PDSS1: variants seen among roughly 807,000 people sequenced by gnomAD.
PDSS1 encodes the protein decaprenyl diphosphate synthase subunit 1.
In PDSS1, 43 loss-of-function variants were observed where a neutral mutation model predicts 57.5. That is an observed-to-expected ratio of 0.75 (90% CI 0.59 to 0.96). The LOEUF (loss-of-function observed/expected upper bound fraction) is 0.96, where lower values mean the gene tolerates loss of function less well. Among genes scored for constraint, PDSS1 ranks in the 50% least tolerant of loss-of-function variants. PDSS1 has a pLI of 0.00. For synonymous variants in PDSS1, 175 were observed against 191.3 expected (o/e 0.91, Z 0.70); for missense variants, 438 against 527.8 (o/e 0.83, Z 1.67).
chr10:26,704,779 C>A (rs368787551), intron 3 of PDSS1, 38 bp downstream of exon 3: 11 of 1,071,854 alleles, frequency 1.0e-5, no homozygotes, highest in Non-Finnish European at 1.6e-5. Flanking sequence ...CTAAAATTAT[C>A]CATTTTTAAA....
intron 2 of PDSS1, among the ~76,000 whole-genome samples, chr10:26,703,291 C>G (rs1351149117): frequency 6.6e-6 from 1 of 152,064 alleles, no homozygotes; most frequent in Non-Finnish European, 1.5e-5. Flanking sequence ...GATTAGGGGT[C>G]TATAACTGAA....
At chr10:26,728,665 A>AT (rs548989225) in intron 8 of PDSS1, among the ~76,000 whole-genome samples, 386 of 148,370 alleles carry the variant, frequency 2.6e-3, no homozygotes, top group African/African-American at 9.1e-3. Context: ...TTGGTATCCT[A>AT]TTTTTTTTGT....
intron 4 of PDSS1, among the ~76,000 whole-genome samples, chr10:26,708,388 C>T (rs1835312635): frequency 6.6e-6 from 1 of 152,204 alleles, no homozygotes; most frequent in Admixed American, 6.5e-5. Context: ...GTTTAGGCTT[C>T]TAATCCCACA....
rs1466228856 is a variant in PDSS1, at chr10:26,702,166, A to G, written c.134A>G (p.His45Arg). 3 of 456,130 alleles carry G rather than the reference A, an allele frequency of 6.6e-6. No homozygotes were observed. Among genetic ancestry groups the G allele is most frequent in the African/African-American group, 4.0e-5 (2 of 50,096 alleles). 28.3% of individuals were successfully genotyped at this position (456,130 alleles called of 1,614,324 possible). A position where few individuals can be genotyped will look rare whatever the true frequency, so the allele number is the denominator to read the frequency against. Residue 45 changes from histidine to arginine, a missense_variant, in exon 2 of 12, where the codon CAT becomes CGT. Physicochemically the swap from His to Arg is conservative, Grantham distance 29. This residue lies in a region of PDSS1 where 154 missense variants were observed against 137.0 expected (regional missense o/e 1.12). Coordinates refer to ENST00000376215, the MANE Select transcript of PDSS1 (RefSeq NM_014317.5). ...AACTTGTTTTTGATTTTACAGGTTCATAGGCGGAAGGGACTTGACTTGTCT... is the reference window on the plus strand; with the variant it reads ...AACTTGTTTTTGATTTTACAGGTTCGTAGGCGGAAGGGACTTGACTTGTCT... ...SAAAEVRAQV[H>R]RRKGLDLSQI... is the part of the protein sequence containing the mutation.
intron 11 of PDSS1, among the ~76,000 whole-genome samples, chr10:26,744,577 G>C (rs888907787): frequency 1.3e-5 from 2 of 151,962 alleles, no homozygotes; most frequent in African/African-American, 2.4e-5. Context: ...TTTTAGTGGA[G>C]ACGGGGTTTC....
rs141586424 is a variant in PDSS1, at chr10:26,735,552, T to C, written c.999T>C (p.Thr333=). 91 of 1,613,358 alleles carry C rather than the reference T, an allele frequency of 5.6e-5. No homozygotes were observed. Among genetic ancestry groups the C allele is most frequent in the South Asian group, 2.4e-4 (22 of 91,076 alleles). ...CTGATCTGAAGCTCGGGTTAGCCACTGGTCCTGTCCTGTTTGCCTGTCAGC... is the reference window on the plus strand; with the variant it reads ...CTGATCTGAAGCTCGGGTTAGCCACCGGTCCTGTCCTGTTTGCCTGTCAGC... The part of the protein sequence containing the change: ...TSADLKLGLA[T]GPVLFACQQF... Residue 333 remains threonine, a synonymous_variant, in exon 10 of 12, where the codon ACT becomes ACC. Coordinates refer to ENST00000376215, the MANE Select transcript of PDSS1 (RefSeq NM_014317.5).
chr10:26,730,372 G>T (rs1427448678), intron 8 of PDSS1, among the ~76,000 whole-genome samples: 1 of 152,026 alleles, frequency 6.6e-6, no homozygotes, highest in Non-Finnish European at 1.5e-5. Flanking sequence ...CACTTTGGGA[G>T]GCCAAGGCAG....
chr10:26,717,916 T>G (rs1448268186), intron 5 of PDSS1: 1 of 152,166 alleles, frequency 6.6e-6, no homozygotes, highest in Admixed American at 6.5e-5. Flanking sequence ...TAGGGCCTAG[T>G]AAATTTACCT....
At chr10:26,721,690 TC>T (rs1835792133) in intron 6 of PDSS1, among the ~76,000 whole-genome samples, 2 of 152,204 alleles carry the variant, frequency 1.3e-5, no homozygotes, top group Admixed American at 1.3e-4. Context: ...GTCAGCTGTA[TC>T]TGTTTTCAGG....
At chr10:26,714,924 A>T (rs1835515210) in intron 5 of PDSS1, 1 of 152,210 alleles carries the variant, frequency 6.6e-6, no homozygotes, top group Non-Finnish European at 1.5e-5. Flanking sequence ...TAGCACTATA[A>T]AAAACTAAGG....
At chr10:26,701,461 C>T (rs1677727) in intron 1 of PDSS1, among the ~76,000 whole-genome samples, 93,884 of 151,990 alleles carry the variant, frequency 0.62, 29,983 homozygotes, top group East Asian at 0.81. Context: ...AAGAGCAGCC[C>T]TGGGACTTGG....
At chr10:26,713,043 A>G (rs1564421342) in intron 5 of PDSS1, among the ~76,000 whole-genome samples, 1 of 95,906 alleles carries the variant, frequency 1.0e-5, no homozygotes, top group Non-Finnish European at 2.4e-5. Flanking sequence ...CTGTAATCCC[A>G]GCACTTTGGG....
chr10:26,714,448 C>CT (rs1266439428), intron 5 of PDSS1, among the ~76,000 whole-genome samples: 2 of 146,774 alleles, frequency 1.4e-5, no homozygotes, highest in African/African-American at 5.0e-5. Context: ...GCACTCCAGC[C>CT]TAGGGGAGAC....
intron 4 of PDSS1, among the ~76,000 whole-genome samples, chr10:26,708,608 T>C (rs555943516): frequency 1.3e-5 from 2 of 152,318 alleles, no homozygotes; most frequent in South Asian, 4.1e-4. Context: ...ATGGGCTCTA[T>C]GCGCTTACGT....
chr10:26,726,172 A>G (rs778959983), intron 8 of PDSS1, among the ~76,000 whole-genome samples: 1 of 152,204 alleles, frequency 6.6e-6, no homozygotes, highest in African/African-American at 2.4e-5. Context: ...AAGATAATGC[A>G]CAGGAATTCT....
intron 11 of PDSS1, among the ~76,000 whole-genome samples, chr10:26,744,737 G>A (rs1040259322): frequency 3.3e-5 from 5 of 152,176 alleles, no homozygotes; most frequent in Non-Finnish European, 5.9e-5. Context: ...TCAGGAAAAC[G>A]TGTGGAAAAC....
chr10:26,735,528 T>C lies in PDSS1; in HGVS notation c.975T>C (p.Ala325=), dbSNP rs1403066334. The C allele has an allele frequency of 6.2e-7, 1 of 1,614,034 alleles. No individual in the cohort carries two copies. Among genetic ancestry groups the C allele is most frequent in the Non-Finnish European group, 8.5e-7 (1 of 1,179,976 alleles). The change falls in exon 10 of 12, where the codon GCT becomes GCC. Residue 325 remains alanine, a synonymous_variant. Coordinates refer to ENST00000376215, the MANE Select transcript of PDSS1 (RefSeq NM_014317.5). ...ACCAGATGGGCAAACCAACATCAGCTGATCTGAAGCTCGGGTTAGCCACTG... is the reference window on the plus strand; with the variant it reads ...ACCAGATGGGCAAACCAACATCAGCCGATCTGAAGCTCGGGTTAGCCACTG... The part of the protein sequence containing the change: ...CSDQMGKPTS[A]DLKLGLATGP...
At chr10:26,727,243 C>T (rs889949367) in intron 8 of PDSS1, among the ~76,000 whole-genome samples, 1 of 151,982 alleles carries the variant, frequency 6.6e-6, no homozygotes, top group Non-Finnish European at 1.5e-5. Context: ...GGTCAGAGGG[C>T]CTGTCCAGTT....
intron 4 of PDSS1, among the ~76,000 whole-genome samples, chr10:26,708,708 T>A (rs540900335): frequency 6.6e-6 from 1 of 152,236 alleles, no homozygotes. Flanking sequence ...GCTGTGGCCT[T>A]ACTATCTTCC....
Sources: gnomAD v4.1 joint callset for allele counts (sites outside exome capture counted in the v4.1 genomes callset) on GRCh38, gnomAD v4.1.1 for gene constraint, gnomAD v4.1.1 regional missense constraint, MANE v1.5 for transcripts, NCBI Gene and HGNC (gene_info 2026-07-23, HGNC 2026-07-21) for gene names.